FBXW11: variants seen among roughly 807,000 people sequenced by gnomAD.
FBXW11 encodes F-box/WD repeat-containing protein 11.
FBXW11 carries 19 observed loss-of-function variants against 77.6 expected under a neutral mutation model. That is an observed-to-expected ratio of 0.24 (90% CI 0.17 to 0.36). FBXW11 has a LOEUF of 0.36. Ranked by LOEUF, FBXW11 falls within the 10% of genes least tolerant of loss-of-function variation. The probability of loss-of-function intolerance (pLI) is 1.00; values close to 1 mark genes in which losing one functional copy is unlikely to be tolerated. For missense variants in FBXW11, 334 were observed against 704.2 expected (o/e 0.47, Z 5.95); for synonymous variants, 235 against 249.4 (o/e 0.94, Z 0.54).
At chr5:172,005,395 A>G (rs1160501172) in intron 1 of FBXW11, among the ~76,000 whole-genome samples, 12 of 152,274 alleles carry the variant, frequency 7.9e-5, no homozygotes, top group South Asian at 2.1e-4. Flanking sequence ...CCAGAGCCCA[A>G]TTTGATTTCC....
chr5:171,930,864 G>A (rs1432112662), intron 2 of FBXW11, among the ~76,000 whole-genome samples: 1 of 149,870 alleles, frequency 6.7e-6, no homozygotes, highest in African/African-American at 2.4e-5. Flanking sequence ...TATACAAAAA[G>A]TCAATCACTT....
chr5:171,939,079 CA>C (rs1427871965), intron 2 of FBXW11, among the ~76,000 whole-genome samples: 1 of 149,648 alleles, frequency 6.7e-6, no homozygotes, highest in Non-Finnish European at 1.5e-5. Context: ...ACTAAAAATA[CA>C]AAAAAAAATA....
chr5:171,975,362 T>C (rs930945311), intron 1 of FBXW11, among the ~76,000 whole-genome samples: 3 of 152,168 alleles, frequency 2.0e-5, no homozygotes, highest in African/African-American at 7.2e-5. Context: ...CTTCTCAATC[T>C]ACCCAAATGC....
In FBXW11 at chr5:171,877,953, T is replaced by G; in HGVS notation, c.971+58A>C. The G allele has an allele frequency of 4.8e-6, 6 of 1,258,414 alleles. No individual in the cohort carries two copies. The South Asian group carries it at 7.5e-5, about 16-fold the overall frequency. The allele number at this position is 1,258,414 out of a possible 1,614,324, so 78.0% of individuals were successfully genotyped here. ...TGCCTCTCCCAGAGGAGGATGTCAATCTCAGACTTTCTCAGGGAAGGCTTA... is the reference window on the plus strand; with the variant it reads ...TGCCTCTCCCAGAGGAGGATGTCAAGCTCAGACTTTCTCAGGGAAGGCTTA... On this transcript the variant is annotated intron_variant, in intron 8 of 13. Coordinates refer to ENST00000517395, the MANE Select transcript of FBXW11 (RefSeq NM_001378974.1).
At chr5:171,928,695 T>C (rs891288095) in intron 2 of FBXW11, among the ~76,000 whole-genome samples, 1 of 152,260 alleles carries the variant, frequency 6.6e-6, no homozygotes, top group East Asian at 1.9e-4. Flanking sequence ...ATCATCATAC[T>C]TAATGTTTAA....
rs768287694 is a variant in FBXW11 at position 171,868,722 on chromosome 5, A to G, written c.1605T>C (p.Ile535=). 2.2e-5 allele frequency: 35 copies of G among 1,613,940 alleles called. No individual in the cohort carries two copies. The highest frequency in any genetic ancestry group is 3.3e-5 in the Admixed American group (2 of 59,996). ...GCACATTTAAGAAATCCCAAATCAA[A>G]ATAGTGTCATCATGGGAGCTGCTGA... ...QIISSSHDDT[I]LIWDFLNVPP... The change falls in exon 13 of 14, where the codon ATT becomes ATC. Residue 535 remains isoleucine (I), a synonymous_variant. Coordinates refer to ENST00000517395, the MANE Select transcript of FBXW11 (RefSeq NM_001378974.1).
At chr5:171,929,194 C>A (rs1163450091) in intron 2 of FBXW11, among the ~76,000 whole-genome samples, 3 of 151,980 alleles carry the variant, frequency 2.0e-5, no homozygotes, top group Admixed American at 2.0e-4. Context: ...CATGGTAAAA[C>A]CCCATCTCTA....
chr5:171,913,872 CACAA>C (rs1761060606), intron 3 of FBXW11, among the ~76,000 whole-genome samples: 3 of 150,174 alleles, frequency 2.0e-5, no homozygotes, highest in Non-Finnish European at 3.0e-5. Flanking sequence ...CACACACACA[CACAA>C]CCTGGGAAAT....
chr5:171,979,894 A>G (rs932867063), intron 1 of FBXW11, among the ~76,000 whole-genome samples: 4 of 152,202 alleles, frequency 2.6e-5, no homozygotes, highest in African/African-American at 9.6e-5. Context: ...TCCAGTTTCA[A>G]TTGGCTGGAA....
At chr5:171,961,667 G>A (rs1407473520) in intron 1 of FBXW11, among the ~76,000 whole-genome samples, 1 of 151,322 alleles carries the variant, frequency 6.6e-6, no homozygotes, top group African/African-American at 2.4e-5. Context: ...TTTCTTTTGA[G>A]ATGGAGCCTC....
chr5:171,916,814 G>C (rs536434903), intron 2 of FBXW11, among the ~76,000 whole-genome samples: 13 of 152,312 alleles, frequency 8.5e-5, no homozygotes, highest in African/African-American at 2.9e-4. Context: ...AAGTGGAAGA[G>C]AGATGGGAAG....
intron 2 of FBXW11, among the ~76,000 whole-genome samples, chr5:171,933,591 GTA>G (rs1762327741): frequency 6.6e-6 from 1 of 152,128 alleles, no homozygotes; most frequent in African/African-American, 2.4e-5. Context: ...GGTTGTGTGT[GTA>G]TGTGGGTAGA....
intron 7 of FBXW11, among the ~76,000 whole-genome samples, chr5:171,881,256 T>C (rs145442340): frequency 7.9e-5 from 12 of 152,294 alleles, no homozygotes; most frequent in African/African-American, 1.4e-4. Context: ...TGTTGAAACA[T>C]AGTGGTGAGT....
intron 2 of FBXW11, among the ~76,000 whole-genome samples, chr5:171,934,101 T>C (rs140939364): frequency 4.4e-4 from 67 of 152,348 alleles, no homozygotes; most frequent in African/African-American, 1.5e-3. Flanking sequence ...ATTCACTATA[T>C]ACAATGTATG....
chr5:171,931,850 TCCCTCC>T (rs1762213767), intron 2 of FBXW11, among the ~76,000 whole-genome samples: 1 of 9,992 alleles, frequency 1.0e-4, no homozygotes, highest in Non-Finnish European at 1.9e-4. Context: ...CCTCCCTCCC[TCCCTCC>T]CTCCCTCTCT....
chr5:171,902,642 T>C (rs1760206328), intron 4 of FBXW11, among the ~76,000 whole-genome samples: 1 of 152,208 alleles, frequency 6.6e-6, no homozygotes, highest in Non-Finnish European at 1.5e-5. Flanking sequence ...TCTCTGGTGC[T>C]ATCATGCAAG....
intron 2 of FBXW11, among the ~76,000 whole-genome samples, chr5:171,919,912 T>C (rs1395192403): frequency 6.6e-6 from 1 of 151,946 alleles, no homozygotes; most frequent in Non-Finnish European, 1.5e-5. Context: ...TCCCAGCACT[T>C]TGGGAGGCTG....
chr5:171,952,448 T>TATATATATATATATATATATATATA (rs1491271340), intron 2 of FBXW11, among the ~76,000 whole-genome samples: 2 of 10,886 alleles, frequency 1.8e-4, no homozygotes, highest in Non-Finnish European at 3.5e-4. Context: ...TATATATATA[T>TATATATATATATATATATATATATA]TTTTTTTTTT....
At chr5:171,962,070 T>C (rs1462962883) in intron 1 of FBXW11, among the ~76,000 whole-genome samples, 1 of 152,244 alleles carries the variant, frequency 6.6e-6, no homozygotes, top group East Asian at 1.9e-4. Flanking sequence ...TGAAAAGATT[T>C]CTTCATATTA....
Sources: allele counts gnomAD v4.1 joint callset (sites outside exome capture counted in the v4.1 genomes callset), GRCh38; gene constraint gnomAD v4.1.1; transcripts MANE v1.5; gene names NCBI Gene and HGNC (gene_info 2026-07-23, HGNC 2026-07-21).